Variants in SLC2A9 observed in about 807,000 individuals in gnomAD.
The protein encoded by SLC2A9 is solute carrier family 2, facilitated glucose transporter member 9.
In SLC2A9, 39 loss-of-function variants were observed where a neutral mutation model predicts 50.6. The ratio of observed to expected loss-of-function variants is 0.77; its 90% CI spans 0.60 to 1.01. SLC2A9 has a LOEUF of 1.01. SLC2A9 is among the 50% of genes least tolerant of loss of function. SLC2A9 has a pLI of 0.00. For missense variants in SLC2A9, 686 were observed against 677.6 expected (o/e 1.01, Z -0.14); for synonymous variants, 324 against 276.9 (o/e 1.17, Z -1.69).
At chr4:9,961,307 T>A (rs13121355) in intron 5 of SLC2A9, among the ~76,000 whole-genome samples, 1 of 152,076 alleles carries the variant, frequency 6.6e-6, no homozygotes, top group African/African-American at 2.4e-5. Flanking sequence ...GGCTTCAAAC[T>A]ATACTACAAG....
In SLC2A9 at chr4:9,897,017, G is replaced by A. The variant is rs114797588; in HGVS notation, c.1114-6306C>T. Among the ~76,000 whole-genome samples, 1,249 of 152,210 alleles carry A rather than the reference G, an allele frequency of 8.2e-3. 16 individuals are homozygous for A. Among genetic ancestry groups the A allele is most frequent in the African/African-American group, 0.029 (1,206 of 41,516 alleles). The stretch of plus-strand genomic sequence containing the variant: ...TTATATATATTAATAACTTAACTCT[G>A]ATTACATTTTCTTGGGGTAGGTGCT... On this transcript the variant is annotated intron_variant, in intron 8 of 11. Coordinates refer to ENST00000264784, the MANE Select transcript of SLC2A9 (RefSeq NM_020041.3).
In SLC2A9 at chr4:9,774,358, C is replaced by T. The variant is rs145608721; in HGVS notation, n.182-2989G>A. ...AATGTTTAGTGTTCTAAAAATGTAT[C>T]CTTTCACACGTAAAGCTTCCTGCCT... is the stretch of plus-strand genomic sequence containing the variant. On this transcript the variant is annotated intron_variant and non_coding_transcript_variant, in intron 1 of 1. Coordinates refer to the SLC2A9 transcript ENST00000508585. Among the ~76,000 whole-genome samples, 188 of 152,296 alleles carry T rather than the reference C, an allele frequency of 1.2e-3. 2 individuals are homozygous for T. The highest frequency in any genetic ancestry group is 4.3e-3 in the African/African-American group (179 of 41,572).
intron 10 of SLC2A9, among the ~76,000 whole-genome samples, chr4:9,884,756 CAT>C (rs1735866113): frequency 1.3e-5 from 2 of 152,144 alleles, no homozygotes; most frequent in African/African-American, 4.8e-5. Context: ...ATAGCAAAGA[CAT>C]AGAATCAACC....
intron 10 of SLC2A9, among the ~76,000 whole-genome samples, chr4:9,874,017 A>G (rs1043453624): frequency 3.9e-5 from 6 of 152,154 alleles, no homozygotes; most frequent in African/African-American, 1.2e-4. Context: ...CCACAAGGAC[A>G]AAGTTTAATT....
intron 5 of SLC2A9, among the ~76,000 whole-genome samples, chr4:9,962,292 C>T (rs1752383335): frequency 6.6e-6 from 1 of 152,114 alleles, no homozygotes; most frequent in African/African-American, 2.4e-5. Flanking sequence ...ACACTATTCA[C>T]AATAGCAAAG....
chr4:9,848,681 T>C (rs2109293851), intron 10 of SLC2A9, among the ~76,000 whole-genome samples: 1 of 151,638 alleles, frequency 6.6e-6, no homozygotes, highest in East Asian at 1.9e-4. Flanking sequence ...ACAGATCTTT[T>C]AAGGATGAGT....
intron 10 of SLC2A9, among the ~76,000 whole-genome samples, chr4:9,846,633 C>T (rs1030199182): frequency 6.6e-6 from 1 of 152,114 alleles, no homozygotes; most frequent in East Asian, 1.9e-4. Context: ...TCAGTAAAGT[C>T]GAAACCTTGA....
chr4:9,781,990 T>G (rs1313492101), intron 3 of SLC2A9: 3 of 1,410,746 alleles, frequency 2.1e-6, no homozygotes, highest in Non-Finnish European at 2.8e-6. Flanking sequence ...AGGGCTGAAG[T>G]TGGGACCGCG....
intron 10 of SLC2A9, among the ~76,000 whole-genome samples, chr4:9,844,445 T>G (rs749247888): frequency 8.5e-5 from 13 of 152,264 alleles, no homozygotes; most frequent in Non-Finnish European, 1.8e-4. Flanking sequence ...TCTACTTCAT[T>G]AGTAATGCCA....
At chr4:9,926,697 C>T (rs1431048447) in intron 6 of SLC2A9, among the ~76,000 whole-genome samples, 1 of 152,018 alleles carries the variant, frequency 6.6e-6, no homozygotes, top group Non-Finnish European at 1.5e-5. Flanking sequence ...GTCCTAACCC[C>T]TGGTAGCTGT....
chr4:9,912,164 G>A (rs1319797044), intron 7 of SLC2A9, among the ~76,000 whole-genome samples: 1 of 152,106 alleles, frequency 6.6e-6, no homozygotes, highest in Non-Finnish European at 1.5e-5. Context: ...CGGGGAGGGA[G>A]AGCATTAGGA....
chr4:9,804,180 A>C (rs1560133698), intron 3 of SLC2A9, among the ~76,000 whole-genome samples: 1 of 152,188 alleles, frequency 6.6e-6, no homozygotes, highest in African/African-American at 2.4e-5. Flanking sequence ...AAATAGCTCT[A>C]CCTGGTGTCA....
intron 10 of SLC2A9, among the ~76,000 whole-genome samples, chr4:9,842,618 C>A (rs959938685): frequency 1.3e-5 from 2 of 152,122 alleles, no homozygotes; most frequent in Non-Finnish European, 2.9e-5. Context: ...TTTGATGGCA[C>A]CTCTCATTTC....
rs2109979158 is a variant in SLC2A9 at position 9,908,240 on chromosome 4, A to G, written c.1108T>C (p.Phe370Leu). Residue 370 changes from phenylalanine to leucine, a missense_variant, in exon 8 of 12, where the codon TTC (phenylalanine) becomes CTC (leucine). By Grantham distance (22) the Phe-to-Leu change is conservative (BLOSUM62 0). Coordinates refer to ENST00000264784, the MANE Select transcript of SLC2A9 (RefSeq NM_020041.3). The part of the protein sequence containing the change: ...TGGIETLAAV[F>L]SGLVIEHLGR... ...GTAACCCTCAGTTGACTTACAGAGA[A>G]GACGGCAGCCAAAGTCTCGATGCCC... The G allele has an allele frequency of 6.2e-7, 1 of 1,611,796 alleles. No individual in the cohort carries two copies. The highest frequency in any genetic ancestry group is 2.2e-5 in the East Asian group (1 of 44,882).
chr4:9,878,127 T>C (rs1577660771), intron 10 of SLC2A9, among the ~76,000 whole-genome samples: 1 of 152,138 alleles, frequency 6.6e-6, no homozygotes, highest in Non-Finnish European at 1.5e-5. Context: ...GCTGGCACTG[T>C]GGCATAACAC....
chr4:9,802,228 C>T lies in SLC2A9; in HGVS notation n.421-2987G>A, dbSNP rs540150655. On this transcript the variant is annotated intron_variant and non_coding_transcript_variant, in intron 3 of 3. Coordinates refer to the SLC2A9 transcript ENST00000503280. ...TATTTGATTAGAGACAGGGCATTTA[C>T]AGATTAAAGGGTTTGGGAGAAATGT... 3.3e-5 allele frequency among the ~76,000 whole-genome samples: 5 copies of T among 151,324 alleles called. 1 individual carries two copies. In the East Asian group the frequency reaches 7.7e-4, roughly 23 times the overall value.
At chr4:9,858,903 G>A (rs1731153381) in intron 10 of SLC2A9, among the ~76,000 whole-genome samples, 2 of 152,198 alleles carry the variant, frequency 1.3e-5, no homozygotes, top group Non-Finnish European at 2.9e-5. Context: ...AGGAGAAGAT[G>A]GAAGCACTGA....
chr4:9,988,948 C>A (rs1168384540), intron 3 of SLC2A9, among the ~76,000 whole-genome samples: 3 of 152,226 alleles, frequency 2.0e-5, no homozygotes, highest in Non-Finnish European at 4.4e-5. Context: ...ATAGGGAATT[C>A]TATTTCAGTT....
At chr4:9,987,912 G>A (rs1411162885) in intron 3 of SLC2A9, among the ~76,000 whole-genome samples, 1 of 152,232 alleles carries the variant, frequency 6.6e-6, no homozygotes, top group Admixed American at 6.5e-5. Flanking sequence ...GGAGCAAGCA[G>A]TAGAAAGTGA....
Sources: allele counts gnomAD v4.1 joint callset (sites outside exome capture counted in the v4.1 genomes callset), GRCh38; gene constraint gnomAD v4.1.1; transcripts MANE v1.5; gene names NCBI Gene and HGNC (gene_info 2026-07-23, HGNC 2026-07-21).